The following MED13L variants were observed in gnomAD, a reference collection of about 807,000 sequenced individuals.
MED13L encodes mediator complex subunit 13L.
MED13L carries 7 observed loss-of-function variants against 220.9 expected under a neutral mutation model. That is an observed-to-expected ratio of 0.03 (90% confidence interval 0.02 to 0.06). The LOEUF (loss-of-function observed/expected upper bound fraction) is 0.06. Ranked by LOEUF, MED13L falls within the 10% of genes least tolerant of loss-of-function variation. The pLI is 1.00. For synonymous variants in MED13L, 1,011 were observed against 1,015.2 expected (o/e 1.00, Z 0.08); for missense variants, 1,965 against 2,760.5 (o/e 0.71, Z 6.46).
intron 2 of MED13L, among the ~76,000 whole-genome samples, chr12:116,171,214 C>T (rs1408598736): frequency 6.6e-6 from 1 of 152,198 alleles, no homozygotes; most frequent in East Asian, 1.9e-4. Context: ...GCTGGCCTAA[C>T]GTTTGTCAAG....
chr12:116,225,166 T>C lies in MED13L; in HGVS notation c.310+12302A>G, dbSNP rs1221835989. Among the ~76,000 whole-genome samples, 3 of 152,228 alleles carry C rather than the reference T, an allele frequency of 2.0e-5. No homozygotes were observed. In the East Asian group the frequency reaches 5.8e-4, roughly 29 times the overall value. On this transcript the variant is annotated intron_variant, in intron 2 of 30. Coordinates refer to ENST00000281928, the MANE Select transcript of MED13L (RefSeq NM_015335.5). ...TTTTGCTATGTGCTAAGTTAGCACA[T>C]TGTCTCAACCATACTGGGAATCAAA... is the stretch of plus-strand genomic sequence containing the variant.
At chr12:116,252,632 A>C (rs1045989066) in intron 1 of MED13L, among the ~76,000 whole-genome samples, 9 of 152,146 alleles carry the variant, frequency 5.9e-5, no homozygotes, top group African/African-American at 1.7e-4. Flanking sequence ...AGTAAATAGA[A>C]GAAAGGAAAT....
At chr12:116,175,842 G>A (rs1051717199) in intron 2 of MED13L, among the ~76,000 whole-genome samples, 1 of 152,130 alleles carries the variant, frequency 6.6e-6, no homozygotes, top group Non-Finnish European at 1.5e-5. Context: ...ACACAGTAAT[G>A]CATAATAATA....
At chr12:116,144,824 C>T (rs1321728822) in intron 2 of MED13L, among the ~76,000 whole-genome samples, 1 of 152,094 alleles carries the variant, frequency 6.6e-6, no homozygotes, top group East Asian at 1.9e-4. Flanking sequence ...TGTACATTAC[C>T]GTATCTAAGG....
In MED13L at chr12:116,093,637, A is replaced by C. The variant is rs570710383; in HGVS notation, c.479+3032T>G. On this transcript the variant is annotated intron_variant, in intron 4 of 30. Coordinates refer to ENST00000281928, the MANE Select transcript of MED13L (RefSeq NM_015335.5). ...AAAATATGCAGTATGAGAAATTAGT[A>C]ATACTAATAATCAGTAATGCTAGTA... is the stretch of plus-strand genomic sequence containing the variant. Among the ~76,000 whole-genome samples the C allele has an allele frequency of 2.4e-4, 36 of 152,108 alleles. No homozygotes were observed. The South Asian group carries it at 7.3e-3, about 31-fold the overall frequency.
At chr12:116,126,387 G>A (rs933186775) in intron 2 of MED13L, among the ~76,000 whole-genome samples, 1 of 152,156 alleles carries the variant, frequency 6.6e-6, no homozygotes, top group Admixed American at 6.5e-5. Flanking sequence ...GAGTAGGGCA[G>A]GCCTGGGCGG....
chr12:116,059,466 G>A (rs960085537), intron 4 of MED13L, among the ~76,000 whole-genome samples: 27 of 151,114 alleles, frequency 1.8e-4, no homozygotes, highest in African/African-American at 6.6e-4. Flanking sequence ...ACCTTGGCAG[G>A]AGTGCAGTGG....
intron 4 of MED13L, among the ~76,000 whole-genome samples, chr12:116,054,191 A>G (rs777718292): frequency 6.7e-6 from 1 of 149,164 alleles, no homozygotes; most frequent in Non-Finnish European, 1.5e-5. Context: ...TTTAACAACT[A>G]TTACACACAC....
rs989150709 is a variant in MED13L at position 116,222,321 on chromosome 12, C to T, written c.310+15147G>A. ...TCACAGAAGTGGCATTGTATGAACA[C>T]TCCATTCCTTATTTTTACTTTCTAC... On this transcript the variant is annotated intron_variant, in intron 2 of 30. Transcript: ENST00000281928. Among the ~76,000 whole-genome samples, 3 of 152,288 alleles carry T rather than the reference C, an allele frequency of 2.0e-5. No homozygotes were observed. In the East Asian group the frequency reaches 5.8e-4, roughly 29 times the overall value.
At chr12:116,062,448 T>C (rs1409485987) in intron 4 of MED13L, among the ~76,000 whole-genome samples, 7 of 151,050 alleles carry the variant, frequency 4.6e-5, no homozygotes, top group African/African-American at 1.5e-4. Context: ...ATTACCTTCA[T>C]AGGAAATGAA....
intron 2 of MED13L, among the ~76,000 whole-genome samples, chr12:116,185,775 C>T (rs1022961233): frequency 4.6e-5 from 7 of 152,036 alleles, no homozygotes; most frequent in Non-Finnish European, 8.8e-5. Context: ...AGGCTCACTG[C>T]AACTTCCGCC....
chr12:116,031,643 G>GGAGGGGGGAC (rs1880751420), intron 4 of MED13L, among the ~76,000 whole-genome samples: 1 of 102,238 alleles, frequency 9.8e-6, no homozygotes. Flanking sequence ...GGAGGGGAGG[G>GGAGGGGGGAC]GGGACGGGAC....
intron 16 of MED13L, 107 bp from the exon 17 acceptor site, chr12:115,992,064 C>G (rs1007002000): frequency 3.0e-6 from 3 of 985,356 alleles, no homozygotes; most frequent in Non-Finnish European, 4.7e-6. Context: ...TCATTTGTTT[C>G]TGCTATCACT....
At chr12:116,111,377 A>G in intron 3 of MED13L, 51 bp downstream of exon 3, 1 of 1,416,458 alleles carries the variant, frequency 7.1e-7, no homozygotes, top group Non-Finnish European at 1.0e-6. Flanking sequence ...CTCGGTATCT[A>G]GCAATATACT....
intron 8 of MED13L, among the ~76,000 whole-genome samples, chr12:116,013,179 C>G (rs1259118842): frequency 6.6e-6 from 1 of 152,148 alleles, no homozygotes; most frequent in Non-Finnish European, 1.5e-5. Context: ...TTGAGACCAT[C>G]CTGGGCAACA....
chr12:116,038,529 A>C (rs1408811999), intron 4 of MED13L, among the ~76,000 whole-genome samples: 1 of 152,058 alleles, frequency 6.6e-6, no homozygotes, highest in Non-Finnish European at 1.5e-5. Flanking sequence ...AGATTCTGAC[A>C]CCCATGGGGG....
intron 3 of MED13L, among the ~76,000 whole-genome samples, chr12:116,107,584 A>C (rs1260587312): frequency 2.0e-5 from 3 of 152,232 alleles, no homozygotes; most frequent in Admixed American, 1.3e-4. Context: ...TTTGGAAAGA[A>C]GGTCAATTTA....
intron 3 of MED13L, among the ~76,000 whole-genome samples, chr12:116,099,710 C>T (rs889295752): frequency 3.9e-5 from 6 of 152,160 alleles, no homozygotes; most frequent in African/African-American, 1.4e-4. Flanking sequence ...GGACTTCATT[C>T]CAGAAAAAAC....
At chr12:116,068,638 A>G (rs1870134824) in intron 4 of MED13L, among the ~76,000 whole-genome samples, 1 of 152,188 alleles carries the variant, frequency 6.6e-6, no homozygotes, top group South Asian at 2.1e-4. Context: ...TATTCTCAGA[A>G]TAAGAAATCT....
Sources: allele counts gnomAD v4.1 joint callset (sites outside exome capture counted in the v4.1 genomes callset), GRCh38; gene constraint gnomAD v4.1.1; transcripts MANE v1.5; gene names NCBI Gene and HGNC (gene_info 2026-07-23, HGNC 2026-07-21).